The following RFC3 variants were observed in gnomAD, a reference collection of about 807,000 sequenced individuals.
The protein encoded by RFC3 is replication factor C subunit 3.
In RFC3, 41 loss-of-function variants were observed where a neutral mutation model predicts 45.1. That is an observed-to-expected ratio of 0.91 (90% CI 0.71 to 1.18). The LOEUF (loss-of-function observed/expected upper bound fraction) is 1.18, where lower values mean the gene tolerates loss of function less well. Among genes scored for constraint, RFC3 ranks in the 50% most tolerant of loss-of-function variants. The pLI, the probability that RFC3 is intolerant of heterozygous loss-of-function variation, is 0.00. For missense variants in RFC3, 423 were observed against 428.1 expected, an observed-to-expected ratio of 0.99 and a Z score of 0.10; for synonymous variants, 149 against 144.0, an observed-to-expected ratio of 1.03 and a Z score of -0.25.
intron 8 of RFC3, among the ~76,000 whole-genome samples, chr13:33,869,991 C>G (rs891235430): frequency 5.3e-5 from 8 of 152,146 alleles, no homozygotes; most frequent in Non-Finnish European, 1.0e-4. Context: ...TTGGTGGTTC[C>G]ACAAAGGGAA....
At chr13:33,898,888 A>G (rs2082619137) in intron 8 of RFC3, among the ~76,000 whole-genome samples, 1 of 151,916 alleles carries the variant, frequency 6.6e-6, no homozygotes, top group South Asian at 2.1e-4. Context: ...GTAGGCCAAC[A>G]AATTGGAAAA....
chr13:33,915,154 A>G (rs1307046707), intron 8 of RFC3, among the ~76,000 whole-genome samples: 1 of 152,180 alleles, frequency 6.6e-6, no homozygotes, highest in Non-Finnish European at 1.5e-5. Flanking sequence ...AGAGGCATTT[A>G]CAAGTATATT....
At chr13:33,874,519 A>G (rs1228920060) in intron 8 of RFC3, among the ~76,000 whole-genome samples, 3 of 152,184 alleles carry the variant, frequency 2.0e-5, no homozygotes, top group African/African-American at 7.2e-5. Context: ...GGGTTTCACC[A>G]CATTGGCCAA....
intron 8 of RFC3, among the ~76,000 whole-genome samples, chr13:33,922,416 T>A (rs113708335): frequency 6.4e-4 from 97 of 152,226 alleles, no homozygotes; most frequent in African/African-American, 2.3e-3. Context: ...AAGCTAATCA[T>A]CATGTTTACT....
chr13:33,976,853 C>G, the RFC3 span, among the ~76,000 whole-genome samples: 1 of 152,014 alleles, frequency 6.6e-6, no homozygotes, highest in African/African-American at 2.4e-5. Flanking sequence ...TGGCCTCCTT[C>G]CAAAGAGTTT....
At chr13:33,859,460 A>G (rs750772047) in intron 8 of RFC3, among the ~76,000 whole-genome samples, 28 of 152,220 alleles carry the variant, frequency 1.8e-4, no homozygotes, top group Non-Finnish European at 3.7e-4. Context: ...TAATATCAAA[A>G]CATTTATATT....
At chr13:33,950,852 C>T (rs1157724788) in intron 8 of RFC3, among the ~76,000 whole-genome samples, 1 of 151,966 alleles carries the variant, frequency 6.6e-6, no homozygotes, top group African/African-American at 2.4e-5. Flanking sequence ...GGTCCCATCT[C>T]ATTCACCCAA....
downstream of RFC3, among the ~76,000 whole-genome samples, chr13:33,967,486 CTTTTT>C (rs11393413): frequency 1.7e-4 from 20 of 119,466 alleles, no homozygotes; most frequent in Admixed American, 9.0e-4. Flanking sequence ...ACCAGCAATT[CTTTTT>C]TTTTTTTTTT....
chr13:33,878,260 A>G (rs2082460785), intron 8 of RFC3, among the ~76,000 whole-genome samples: 1 of 152,240 alleles, frequency 6.6e-6, no homozygotes, highest in South Asian at 2.1e-4. Flanking sequence ...TTTAAATAAA[A>G]TAATTTGAGT....
At chr13:33,955,317 ACT>A (rs1464771175) in intron 8 of RFC3, among the ~76,000 whole-genome samples, 1 of 152,072 alleles carries the variant, frequency 6.6e-6, no homozygotes, top group East Asian at 1.9e-4. Context: ...AAAAGGTTTA[ACT>A]CTGCTTAACA....
intron 8 of RFC3, among the ~76,000 whole-genome samples, chr13:33,853,569 A>G (rs1369316307): frequency 6.6e-6 from 1 of 152,168 alleles, no homozygotes; most frequent in African/African-American, 2.4e-5. Flanking sequence ...TAATAAAGGA[A>G]AGTAGGCAGG....
At chr13:33,923,532 T>G (rs1376350686) in intron 8 of RFC3, among the ~76,000 whole-genome samples, 1 of 152,120 alleles carries the variant, frequency 6.6e-6, no homozygotes. Flanking sequence ...TCAGGCCACA[T>G]GGTCACTTGC....
At chr13:33,850,288 T>G (rs901502743) in intron 8 of RFC3, 4 of 152,080 alleles carry the variant, frequency 2.6e-5, no homozygotes, top group African/African-American at 7.2e-5. Flanking sequence ...TCAAAATTGG[T>G]GTAAAATGAG....
chr13:33,821,005 G>A, intron 1 of RFC3, 127 bp from the exon 2 acceptor site: 1 of 782,954 alleles, frequency 1.3e-6, no homozygotes, highest in Non-Finnish European at 1.9e-6. Context: ...AAAATTGGGT[G>A]TATCTACTCA....
chr13:33,899,369 A>G (rs2082624255), intron 8 of RFC3, among the ~76,000 whole-genome samples: 1 of 151,874 alleles, frequency 6.6e-6, no homozygotes, highest in Admixed American at 6.6e-5. Flanking sequence ...GAATGCAAGG[A>G]TGGTTCAACA....
intron 8 of RFC3, among the ~76,000 whole-genome samples, chr13:33,951,630 C>T (rs145299999): frequency 6.6e-5 from 10 of 152,042 alleles, no homozygotes; most frequent in African/African-American, 9.6e-5. Context: ...AATTACCTTT[C>T]GAAAGCTATC....
intron 8 of RFC3, among the ~76,000 whole-genome samples, chr13:33,899,363 G>T (rs1308434078): frequency 1.3e-5 from 2 of 151,818 alleles, no homozygotes; most frequent in East Asian, 3.9e-4. Context: ...TCCCAGGAAT[G>T]CAAGGATGGT....
chr13:33,866,109 A>G (rs1192221770), intron 8 of RFC3, among the ~76,000 whole-genome samples: 1 of 152,206 alleles, frequency 6.6e-6, no homozygotes, highest in East Asian at 1.9e-4. Flanking sequence ...TATGTCTACC[A>G]GAGACAGTAG....
intron 8 of RFC3, chr13:33,835,496 T>TA (rs1300436696): frequency 3.3e-6 from 2 of 602,268 alleles, no homozygotes; most frequent in South Asian, 2.9e-5. Flanking sequence ...GTAAAGGAAA[T>TA]ACCAAGGTGC....
Sources: allele counts gnomAD v4.1 joint callset (sites outside exome capture counted in the v4.1 genomes callset), GRCh38; gene constraint gnomAD v4.1.1; transcripts MANE v1.5; gene names NCBI Gene and HGNC (gene_info 2026-07-23, HGNC 2026-07-21).